Variants in SUPT3H observed in about 807,000 individuals in gnomAD.
SUPT3H encodes SPT3 homolog, SAGA and STAGA complex component.
SUPT3H carries 44 observed loss-of-function variants against 44.3 expected under a neutral mutation model. The ratio of observed to expected loss-of-function variants is 0.99; its 90% CI spans 0.78 to 1.28. SUPT3H has a LOEUF of 1.28. Among genes scored for constraint, SUPT3H ranks in the 50% most tolerant of loss-of-function variants. The pLI is 0.00. For synonymous variants in SUPT3H, 124 were observed against 125.6 expected (o/e 0.99, Z 0.09); for missense variants, 380 against 387.1 (o/e 0.98, Z 0.15).
intron 2 of SUPT3H, among the ~76,000 whole-genome samples, chr6:45,186,662 A>T (rs1584127653): frequency 1.3e-5 from 2 of 152,288 alleles, no homozygotes; most frequent in East Asian, 3.9e-4. Context: ...TTAAGCTGGA[A>T]AAATTTGAGA....
chr6:44,921,059 A>G (rs1562049207), intron 10 of SUPT3H, among the ~76,000 whole-genome samples: 1 of 152,156 alleles, frequency 6.6e-6, no homozygotes, highest in African/African-American at 2.4e-5. Flanking sequence ...GGCACTGCTT[A>G]TTTATTCACC....
At chr6:44,891,482 A>C (rs1763308093) in intron 10 of SUPT3H, among the ~76,000 whole-genome samples, 1 of 152,192 alleles carries the variant, frequency 6.6e-6, no homozygotes, top group Non-Finnish European at 1.5e-5. Flanking sequence ...ATTATGAGTG[A>C]AATAAGCCAG....
chr6:44,831,751 C>G (rs1244104235), intron 10 of SUPT3H, among the ~76,000 whole-genome samples: 1 of 148,926 alleles, frequency 6.7e-6, no homozygotes, highest in Non-Finnish European at 1.5e-5. Flanking sequence ...GAGACTGAGT[C>G]TTAGCTGAGT....
At chr6:44,951,348 A>T (rs1382623668) in intron 9 of SUPT3H, among the ~76,000 whole-genome samples, 1 of 152,022 alleles carries the variant, frequency 6.6e-6, no homozygotes, top group Admixed American at 6.6e-5. Context: ...GTTTTACAAA[A>T]TATCCTGTCT....
intron 10 of SUPT3H, among the ~76,000 whole-genome samples, chr6:44,881,640 C>T (rs1440113044): frequency 2.0e-5 from 3 of 152,110 alleles, no homozygotes; most frequent in African/African-American, 4.8e-5. Flanking sequence ...TATTGGAAGT[C>T]AAACACTCCT....
intron 2 of SUPT3H, among the ~76,000 whole-genome samples, chr6:45,214,966 C>T (rs1013307649): frequency 6.6e-6 from 1 of 152,120 alleles, no homozygotes; most frequent in African/African-American, 2.4e-5. Context: ...TATTCCATCC[C>T]AGACCTGAGA....
intron 10 of SUPT3H, among the ~76,000 whole-genome samples, chr6:44,909,563 T>C (rs1311336837): frequency 1.3e-5 from 2 of 152,194 alleles, no homozygotes; most frequent in African/African-American, 4.8e-5. Context: ...ATAACAATTA[T>C]CTTGAATTTT....
chr6:45,055,015 A>T lies in SUPT3H; in HGVS notation c.187-34383T>A, dbSNP rs546903931. On this transcript the variant is annotated intron_variant, in intron 3 of 10. Coordinates refer to ENST00000371459, the MANE Select transcript of SUPT3H (RefSeq NM_003599.4). The stretch of plus-strand genomic sequence containing the variant: ...TAAGCATAATAGCAACTATTAAATT[A>T]AAAAAAATTATTAAATTAAATTTAG... 3.3e-5 allele frequency among the ~76,000 whole-genome samples: 5 copies of T among 151,892 alleles called. No homozygotes were observed. The East Asian group carries it at 5.8e-4, about 18-fold the overall frequency.
At chr6:45,043,955 T>C (rs1439531590) in intron 3 of SUPT3H, among the ~76,000 whole-genome samples, 1 of 152,158 alleles carries the variant, frequency 6.6e-6, no homozygotes, top group Non-Finnish European at 1.5e-5. Context: ...ATGTACACCA[T>C]ATTAACAGAA....
At chr6:45,174,047 C>G (rs1811272089) in intron 2 of SUPT3H, among the ~76,000 whole-genome samples, 1 of 152,216 alleles carries the variant, frequency 6.6e-6, no homozygotes, top group African/African-American at 2.4e-5. Context: ...TTCTTTCATT[C>G]AGGGATAAAT....
At chr6:45,292,678 GTAGC>G (rs1780496575) in intron 2 of SUPT3H, among the ~76,000 whole-genome samples, 1 of 148,998 alleles carries the variant, frequency 6.7e-6, no homozygotes, top group Admixed American at 6.7e-5. Context: ...GCAAGCAGGA[GTAGC>G]TATTCTTATA....
At position 45,317,139 on chromosome 6, in the gene SUPT3H, A is replaced by G. The variant is rs141334086; in HGVS notation, c.101+48062T>C. ...CTACTCAGGAGGCTGAGGTGGAAGG[A>G]TCACTTGAGCCTGGGAGGTAGAGGT... is the stretch of plus-strand genomic sequence containing the variant. On this transcript the variant is annotated intron_variant, in intron 2 of 10. Transcript: ENST00000371459. Among the ~76,000 whole-genome samples the G allele has an allele frequency of 2.6e-3, 372 of 145,798 alleles. 3 individuals are homozygous for G. The highest frequency in any genetic ancestry group is 8.7e-3 in the African/African-American group (351 of 40,178).
At chr6:45,272,744 C>A (rs1776402935) in intron 2 of SUPT3H, among the ~76,000 whole-genome samples, 1 of 151,902 alleles carries the variant, frequency 6.6e-6, no homozygotes, top group Admixed American at 6.6e-5. Flanking sequence ...CTTTACCAGG[C>A]ATTTTTTTTT....
At chr6:45,264,856 T>C (rs567918435) in intron 2 of SUPT3H, among the ~76,000 whole-genome samples, 1 of 151,928 alleles carries the variant, frequency 6.6e-6, no homozygotes, top group Admixed American at 6.6e-5. Context: ...ACGAGCAAAA[T>C]TTAGAAAACA....
chr6:45,242,557 T>C (rs573723230), intron 2 of SUPT3H, among the ~76,000 whole-genome samples: 4 of 152,288 alleles, frequency 2.6e-5, no homozygotes, highest in Admixed American at 6.5e-5. Flanking sequence ...CTGAATACAA[T>C]AGTGGCATTC....
At chr6:44,991,542 T>G (rs906177968) in intron 6 of SUPT3H, among the ~76,000 whole-genome samples, 1 of 151,908 alleles carries the variant, frequency 6.6e-6, no homozygotes, top group African/African-American at 2.4e-5. Flanking sequence ...TATTTTTAGA[T>G]GGAGTCTCCC....
chr6:45,046,881 T>C (rs962803189), intron 3 of SUPT3H, among the ~76,000 whole-genome samples: 3 of 152,184 alleles, frequency 2.0e-5, no homozygotes, highest in Non-Finnish European at 4.4e-5. Flanking sequence ...CTCAATATAG[T>C]TAAGGCTTCT....
At chr6:44,977,519 G>C (rs533844630) in intron 6 of SUPT3H, among the ~76,000 whole-genome samples, 5 of 152,170 alleles carry the variant, frequency 3.3e-5, no homozygotes, top group Admixed American at 2.6e-4. Flanking sequence ...ATAGTACAGA[G>C]AGTTCCTGTA....
chr6:44,891,409 T>C (rs576491109), intron 10 of SUPT3H, among the ~76,000 whole-genome samples: 160 of 152,160 alleles, frequency 1.1e-3, no homozygotes, highest in Non-Finnish European at 1.9e-3. Flanking sequence ...GATGGAAGAT[T>C]ATTCAACCAT....
Sources: allele counts gnomAD v4.1 joint callset (sites outside exome capture counted in the v4.1 genomes callset), GRCh38; gene constraint gnomAD v4.1.1; transcripts MANE v1.5; gene names NCBI Gene and HGNC (gene_info 2026-07-23, HGNC 2026-07-21).